The following OSBPL9 variants were observed in gnomAD, a reference collection of about 807,000 sequenced individuals.
OSBPL9 encodes oxysterol binding protein like 9, also known as oxysterol-binding protein-related protein 9.
OSBPL9 carries 40 observed loss-of-function variants against 106.6 expected under a neutral mutation model. The observed-to-expected ratio is 0.38, with a 90% CI of 0.29 to 0.49. OSBPL9 has a LOEUF of 0.49. Among genes scored for constraint, OSBPL9 ranks in the 20% least tolerant of loss-of-function variants. OSBPL9 has a pLI of 0.97. For missense variants in OSBPL9, 609 were observed against 887.2 expected (o/e 0.69, Z 3.98); for synonymous variants, 269 against 295.4 (o/e 0.91, Z 0.92).
At chr1:51,766,106 G>T (rs897739720) in intron 12 of OSBPL9, 125 bp downstream of exon 12, 20 of 991,502 alleles carry the variant, frequency 2.0e-5, no homozygotes, top group Non-Finnish European at 2.8e-5. Context: ...AATTAAAAGG[G>T]CAACCTTTTT....
intron 11 of OSBPL9, 52 bp from the exon 12 acceptor site, chr1:51,765,770 A>G: frequency 6.6e-7 from 1 of 1,504,898 alleles, no homozygotes. Flanking sequence ...CCATCTCCCT[A>G]GTTTCTTCTC....
At chr1:51,750,972 A>C (rs1669103545) in intron 8 of OSBPL9, among the ~76,000 whole-genome samples, 1 of 152,210 alleles carries the variant, frequency 6.6e-6, no homozygotes, top group Non-Finnish European at 1.5e-5. Context: ...GAGACTTTTA[A>C]CCTACTGTTG....
At chr1:51,666,035 A>G (rs1340553489) in intron 2 of OSBPL9, among the ~76,000 whole-genome samples, 1 of 152,022 alleles carries the variant, frequency 6.6e-6, no homozygotes, top group Non-Finnish European at 1.5e-5. Flanking sequence ...TTTAGTAGAG[A>G]CAGGGTTTCA....
chr1:51,600,177 A>G (rs971136903), intron 2 of OSBPL9, among the ~76,000 whole-genome samples: 1 of 152,230 alleles, frequency 6.6e-6, no homozygotes, highest in Non-Finnish European at 1.5e-5. Flanking sequence ...GCACCACTAT[A>G]TAAAGCACTT....
intron 1 of OSBPL9, among the ~76,000 whole-genome samples, chr1:51,634,914 C>T (rs760253002): frequency 2.6e-5 from 4 of 152,186 alleles, no homozygotes; most frequent in Non-Finnish European, 5.9e-5. Flanking sequence ...ACCATCATAT[C>T]TCATGAGACT....
upstream of OSBPL9, among the ~76,000 whole-genome samples, chr1:51,615,207 G>A (rs1167825661): frequency 1.3e-5 from 2 of 152,116 alleles, no homozygotes; most frequent in Non-Finnish European, 2.9e-5. Context: ...AGCCGAGATC[G>A]TGCCACTGCT....
At chr1:51,746,662 G>T in intron 5 of OSBPL9, 48 bp from the exon 6 acceptor site, 1 of 1,342,284 alleles carries the variant, frequency 7.4e-7, no homozygotes, top group South Asian at 1.3e-5. Flanking sequence ...AATGTACATC[G>T]TATAGTAAAG....
chr1:51,676,657 T>TA (rs745556662), intron 3 of OSBPL9, among the ~76,000 whole-genome samples: 2,460 of 88,766 alleles, frequency 0.028, 48 homozygotes, highest in African/African-American at 0.057. Flanking sequence ...AGACTCCATC[T>TA]AAAAAAAAAA....
intron 2 of OSBPL9, among the ~76,000 whole-genome samples, chr1:51,604,295 C>T (rs1286574519): frequency 1.3e-5 from 2 of 152,158 alleles, no homozygotes; most frequent in Non-Finnish European, 1.5e-5. Flanking sequence ...GTGGCTCACG[C>T]CTGTAATCCC....
In OSBPL9 at chr1:51,637,262, G is replaced by A. The variant is rs146264563; in HGVS notation, c.112-14729G>A. Among the ~76,000 whole-genome samples the A allele has an allele frequency of 5.7e-3, 869 of 152,232 alleles. 7 individuals are homozygous for A. The highest frequency in any genetic ancestry group is 6.5e-3 in the Non-Finnish European group (440 of 68,010). On this transcript the variant is annotated intron_variant, in intron 1 of 23. Transcript: ENST00000428468. ...ATCCACCACTTTGGGAGGCTGAGGT[G>A]GGTGGATCACATGAGGTCAGGAGTT...
intron 16 of OSBPL9, among the ~76,000 whole-genome samples, chr1:51,782,007 A>C (rs887636768): frequency 2.6e-5 from 4 of 152,138 alleles, no homozygotes; most frequent in African/African-American, 9.7e-5. Flanking sequence ...TGACATTTTA[A>C]AGCTCTAGGA....
At chr1:51,692,403 G>A (rs958235627) in intron 3 of OSBPL9, among the ~76,000 whole-genome samples, 1 of 152,110 alleles carries the variant, frequency 6.6e-6, no homozygotes, top group Non-Finnish European at 1.5e-5. Flanking sequence ...TCATTATCAA[G>A]CATTATAACC....
At chr1:51,586,897 T>TA (rs1215086125) in intron 1 of OSBPL9, among the ~76,000 whole-genome samples, 3 of 152,268 alleles carry the variant, frequency 2.0e-5, no homozygotes, top group African/African-American at 4.8e-5. Flanking sequence ...TCCCATCACT[T>TA]ACTGCAAACT....
chr1:51,776,626 T>C (rs182014933), intron 14 of OSBPL9, among the ~76,000 whole-genome samples: 34 of 152,330 alleles, frequency 2.2e-4, no homozygotes, highest in African/African-American at 7.9e-4. Flanking sequence ...AGTCTTTCTC[T>C]GTTTTTGATC....
chr1:51,647,519 A>G (rs1231824076), intron 1 of OSBPL9, among the ~76,000 whole-genome samples: 1 of 152,170 alleles, frequency 6.6e-6, no homozygotes, highest in Non-Finnish European at 1.5e-5. Flanking sequence ...AGAACTCACC[A>G]TCTGGGCCTG....
the OSBPL9 span, among the ~76,000 whole-genome samples, chr1:51,546,361 A>G: frequency 1.3e-5 from 2 of 152,064 alleles, no homozygotes; most frequent in African/African-American, 4.8e-5. Context: ...AAAATTAAGA[A>G]TTTCTGTTCA....
At chr1:51,619,711 T>C (rs1644311167) in intron 1 of OSBPL9, among the ~76,000 whole-genome samples, 1 of 152,178 alleles carries the variant, frequency 6.6e-6, no homozygotes, top group South Asian at 2.1e-4. Context: ...GATAGATATT[T>C]ACTTAAAAGG....
At chr1:51,662,638 G>A (rs991964800) in intron 2 of OSBPL9, among the ~76,000 whole-genome samples, 1 of 151,882 alleles carries the variant, frequency 6.6e-6, no homozygotes, top group Non-Finnish European at 1.5e-5. Flanking sequence ...CAACTTAATC[G>A]AGCATATGGA....
chr1:51,607,167 T>TC (rs1380142996), intron 2 of OSBPL9, among the ~76,000 whole-genome samples: 1 of 146,720 alleles, frequency 6.8e-6, no homozygotes, highest in Non-Finnish European at 1.5e-5. Context: ...TCTTTTTCTT[T>TC]TTTTTTTTTT....
Sources: gnomAD v4.1 joint callset for allele counts (sites outside exome capture counted in the v4.1 genomes callset) on GRCh38, gnomAD v4.1.1 for gene constraint, MANE v1.5 for transcripts, NCBI Gene and HGNC (gene_info 2026-07-23, HGNC 2026-07-21) for gene names.